Variants in LRRTM4 observed in about 807,000 individuals in gnomAD.
LRRTM4 encodes the protein leucine rich repeat transmembrane neuronal 4, also known as leucine-rich repeat transmembrane neuronal protein 4.
LRRTM4 carries 25 observed loss-of-function variants against 47.6 expected under a neutral mutation model. The ratio of observed to expected loss-of-function variants is 0.53; its 90% CI spans 0.38 to 0.73. The LOEUF is 0.73. Ranked by LOEUF, LRRTM4 falls within the 30% of genes least tolerant of loss-of-function variation. LRRTM4 has a pLI of 0.00. For synonymous variants in LRRTM4, 311 were observed against 269.5 expected (o/e 1.15, Z -1.51); for missense variants, 638 against 713.4 (o/e 0.89, Z 1.20).
At chr2:77,310,524 A>T (rs1013821598) in intron 3 of LRRTM4, among the ~76,000 whole-genome samples, 7 of 152,114 alleles carry the variant, frequency 4.6e-5, no homozygotes, top group African/African-American at 1.7e-4. Context: ...GCAGGCTGCA[A>T]ATTATTTCAA....
intron 3 of LRRTM4, among the ~76,000 whole-genome samples, chr2:76,814,300 G>A (rs1443619550): frequency 6.6e-6 from 1 of 152,112 alleles, no homozygotes; most frequent in Non-Finnish European, 1.5e-5. Flanking sequence ...TAAGCCAAGT[G>A]TTACAACAAG....
intron 3 of LRRTM4, among the ~76,000 whole-genome samples, chr2:77,363,745 T>A (rs1672328886): frequency 6.6e-6 from 1 of 152,222 alleles, no homozygotes; most frequent in African/African-American, 2.4e-5. Flanking sequence ...ATTGATTCCC[T>A]ATGTGAAGAC....
At chr2:76,954,589 G>T (rs11885408) in intron 3 of LRRTM4, among the ~76,000 whole-genome samples, 34,247 of 151,524 alleles carry the variant, frequency 0.23, 4,625 homozygotes, top group African/African-American at 0.37. Context: ...AGTTCCAGAC[G>T]AAGAAGAAGA....
intron 3 of LRRTM4, among the ~76,000 whole-genome samples, chr2:77,493,020 C>CA (rs1393795381): frequency 1.3e-5 from 2 of 151,674 alleles, no homozygotes; most frequent in Non-Finnish European, 2.9e-5. Flanking sequence ...TACATACAGC[C>CA]AAAAAATAAC....
At chr2:77,105,515 G>C (rs1310259574) in intron 3 of LRRTM4, among the ~76,000 whole-genome samples, 1 of 129,854 alleles carries the variant, frequency 7.7e-6, no homozygotes, top group Non-Finnish European at 1.6e-5. Flanking sequence ...GTTGTGGGGT[G>C]GGGGGAGGGG....
chr2:77,082,047 A>G (rs996543531), intron 3 of LRRTM4, among the ~76,000 whole-genome samples: 7 of 152,182 alleles, frequency 4.6e-5, no homozygotes, highest in African/African-American at 1.4e-4. Context: ...GCTATATGTT[A>G]TACTTTTGTT....
rs1339402513 is a variant in LRRTM4, at chr2:77,004,452, A to G, written c.1552-255536T>C. 4.6e-5 allele frequency among the ~76,000 whole-genome samples: 7 copies of G among 152,314 alleles called. No homozygotes were observed. In the East Asian group the frequency reaches 1.2e-3, roughly 25 times the overall value. ...CATGGTGCTGAGCTTGTGGGTACAC[A>G]GAAGTCAAGAATTGAGGTTTGTGAA... is the stretch of plus-strand genomic sequence containing the variant. On this transcript the variant is annotated intron_variant, in intron 3 of 3. Transcript: ENST00000409884.
intron 3 of LRRTM4, among the ~76,000 whole-genome samples, chr2:77,416,708 A>AT (rs1440216358): frequency 1.3e-5 from 2 of 151,620 alleles, no homozygotes; most frequent in East Asian, 3.9e-4. Flanking sequence ...CCCATGTTTA[A>AT]TAAAAAAAGG....
chr2:77,216,949 T>C (rs1674460812), intron 3 of LRRTM4, among the ~76,000 whole-genome samples: 1 of 151,860 alleles, frequency 6.6e-6, no homozygotes, highest in African/African-American at 2.4e-5. Flanking sequence ...GGAGGGCACC[T>C]GTAGTCCCAG....
intron 3 of LRRTM4, among the ~76,000 whole-genome samples, chr2:77,454,195 T>C (rs1486866054): frequency 6.6e-6 from 1 of 152,210 alleles, no homozygotes; most frequent in East Asian, 1.9e-4. Flanking sequence ...GTAAATAATA[T>C]TTTAAAAAAC....
rs369812864 is a variant in LRRTM4, at chr2:77,200,015, G to A, written c.1551+318303C>T. On this transcript the variant is annotated intron_variant, in intron 3 of 3. Transcript: ENST00000409884. ...GAATCTTCAATTTTATAAATCAAAC[G>A]TGTGGGGAATACTAGATTAAACAAA... is the stretch of plus-strand genomic sequence containing the variant. Among the ~76,000 whole-genome samples, 26 of 151,896 alleles carry A rather than the reference G, an allele frequency of 1.7e-4. No individual in the cohort carries two copies. In the East Asian group the frequency reaches 3.3e-3, roughly 19 times the overall value.
chr2:77,000,921 C>A (rs1239837896), intron 3 of LRRTM4, among the ~76,000 whole-genome samples: 1 of 152,128 alleles, frequency 6.6e-6, no homozygotes, highest in Non-Finnish European at 1.5e-5. Flanking sequence ...TGGAAAGGCA[C>A]TGTGACTCCT....
At chr2:77,186,281 C>A (rs189973531) in intron 3 of LRRTM4, among the ~76,000 whole-genome samples, 1 of 152,118 alleles carries the variant, frequency 6.6e-6, no homozygotes, top group Admixed American at 6.6e-5. Context: ...GTGACCTCCA[C>A]GAAGCTCTCA....
At chr2:77,181,757 T>C (rs1317580759) in intron 3 of LRRTM4, among the ~76,000 whole-genome samples, 1 of 151,914 alleles carries the variant, frequency 6.6e-6, no homozygotes, top group East Asian at 1.9e-4. Context: ...AAGCAGTAGA[T>C]GTTTAGGAGG....
intron 3 of LRRTM4, among the ~76,000 whole-genome samples, chr2:77,085,376 CACT>C (rs1680676091): frequency 7.1e-6 from 1 of 140,324 alleles, no homozygotes; most frequent in Non-Finnish European, 1.5e-5. Context: ...GGCAATCCCT[CACT>C]TTTTTTTTTT....
intron 3 of LRRTM4, among the ~76,000 whole-genome samples, chr2:77,089,791 T>C (rs1042978482): frequency 1.2e-4 from 19 of 152,270 alleles, no homozygotes; most frequent in South Asian, 8.3e-4. Flanking sequence ...TAGTTCCAAA[T>C]AGCCAGAAAA....
chr2:76,896,404 T>C (rs1673419457), intron 3 of LRRTM4, among the ~76,000 whole-genome samples: 1 of 152,116 alleles, frequency 6.6e-6, no homozygotes. Context: ...GATATAGACA[T>C]ATTTTAATTT....
chr2:77,522,045 C>T (rs1332916829), intron 1 of LRRTM4, 64 bp downstream of exon 1: 5 of 711,758 alleles, frequency 7.0e-6, no homozygotes, highest in East Asian at 5.4e-5. Context: ...AGAGCTACAG[C>T]CCATCTCGGA....
intron 3 of LRRTM4, among the ~76,000 whole-genome samples, chr2:77,467,956 G>A (rs1677042708): frequency 6.6e-6 from 1 of 152,044 alleles, no homozygotes; most frequent in South Asian, 2.1e-4. Flanking sequence ...ACAAAAAGAG[G>A]TACTTATATA....
Sources: allele counts gnomAD v4.1 joint callset (sites outside exome capture counted in the v4.1 genomes callset), GRCh38; gene constraint gnomAD v4.1.1; transcripts MANE v1.5; gene names NCBI Gene and HGNC (gene_info 2026-07-23, HGNC 2026-07-21).